Variants in OR10K2 observed in about 807,000 individuals in gnomAD.
The protein encoded by OR10K2 is olfactory receptor family 10 subfamily K member 2.
For synonymous variants in OR10K2, 169 were observed against 146.4 expected (o/e 1.15, Z -1.11); for missense variants, 401 against 367.1 (o/e 1.09, Z -0.76).
rs372359319 is a variant in OR10K2 at position 158,418,817 on chromosome 1, C to G, written c.*1111G>C. ...CAGAAAGGACAGAGAATGAAAACAT[C>G]AAATTCAAGTTCTGGTCTCAAATGT... On this transcript the variant is annotated 3_prime_UTR_variant, in exon 2 of 2. Transcript: ENST00000641042. 1 of 152,156 alleles carries G rather than the reference C, an allele frequency of 6.6e-6. No individual in the cohort carries two copies. Among genetic ancestry groups the G allele is most frequent in the African/African-American group, 2.4e-5 (1 of 41,446 alleles). 9.4% of individuals were successfully genotyped at this position (152,156 alleles called of 1,614,324 possible).
chr1:158,420,749 C>G lies in OR10K2; in HGVS notation c.118G>C (p.Gly40Arg). 6.8e-6 allele frequency: 11 copies of G among 1,613,530 alleles called. No individual in the cohort carries two copies. The highest frequency in any genetic ancestry group is 9.3e-6 in the Non-Finnish European group (11 of 1,179,792). The change falls in exon 2 of 2, where the codon GGC becomes CGC. Residue 40 changes from glycine to arginine, a missense_variant. Coordinates refer to ENST00000641042, the MANE Select transcript of OR10K2 (RefSeq NM_001004476.2). Reference protein sequence around the residue: ...IFLLLYLFTLGTNAIIISTIV... With the variant: ...IFLLLYLFTLRTNAIIISTIV... Reference sequence around the variant, plus strand: ...GTGGAAATGATGATTGCATTGGTGCCCAGAGTGAACAGGTAGAGGAGCAGG... The same window carrying G: ...GTGGAAATGATGATTGCATTGGTGCGCAGAGTGAACAGGTAGAGGAGCAGG...
chr1:158,420,768 G>A lies in OR10K2; in HGVS notation c.99C>T (p.Leu33=), dbSNP rs942962750. 1.9e-6 allele frequency: 3 copies of A among 1,613,716 alleles called. No homozygotes were observed. The highest frequency in any genetic ancestry group is 2.5e-6 in the Non-Finnish European group (3 of 1,179,848). Residue 33 remains leucine, a synonymous_variant, in exon 2 of 2, where the codon CTC becomes CTT. Coordinates refer to ENST00000641042, the MANE Select transcript of OR10K2 (RefSeq NM_001004476.2). ...LQQLLFVIFL[L]LYLFTLGTNA... Reference sequence around the variant, plus strand: ...TGGTGCCCAGAGTGAACAGGTAGAGGAGCAGGAAGATAACAAAGAGCAGCT... The same window carrying A: ...TGGTGCCCAGAGTGAACAGGTAGAGAAGCAGGAAGATAACAAAGAGCAGCT...
rs563512429 is a variant in OR10K2, at chr1:158,419,728, A to G, written c.*200T>C. 2 of 490,092 alleles carry G rather than the reference A, an allele frequency of 4.1e-6. No individual in the cohort carries two copies. Among genetic ancestry groups the G allele is most frequent in the South Asian group, 2.6e-5 (1 of 38,844 alleles). 30.4% of individuals were successfully genotyped at this position (490,092 alleles called of 1,614,324 possible). Reference sequence around the variant, plus strand: ...TGGGTTCAAGTGATTCTCCTGTCTCAGGCTCCTGAGTAGCTGAGATTACAG... The same window carrying G: ...TGGGTTCAAGTGATTCTCCTGTCTCGGGCTCCTGAGTAGCTGAGATTACAG... On this transcript the variant is annotated 3_prime_UTR_variant, in exon 2 of 2. Transcript: ENST00000641042.
Position 158,419,219 on chromosome 1 carries a change from T to C in OR10K2, c.*709A>G, listed in dbSNP as rs940433688. The C allele has an allele frequency of 2.0e-4, 31 of 154,792 alleles. No homozygotes were observed. Among genetic ancestry groups the C allele is most frequent in the African/African-American group, 6.7e-4 (28 of 41,526 alleles). 9.6% of individuals were successfully genotyped at this position (154,792 alleles called of 1,614,324 possible). On this transcript the variant is annotated 3_prime_UTR_variant, in exon 2 of 2. Transcript: ENST00000641042. ...TTGTGATCTGATGATTTTGGAAGACTGAGGTCCAGAAAACATCTAGAAAAA... is the reference window on the plus strand; with the variant it reads ...TTGTGATCTGATGATTTTGGAAGACCGAGGTCCAGAAAACATCTAGAAAAA...
At position 158,421,125 on chromosome 1, in the gene OR10K2, A is replaced by G. The variant is rs182159009; in HGVS notation, c.-61-198T>C. 4.6e-5 allele frequency among the ~76,000 whole-genome samples: 7 copies of G among 152,182 alleles called. No homozygotes were observed. The East Asian group carries it at 1.2e-3, about 25-fold the overall frequency. On this transcript the variant is annotated intron_variant, in intron 1 of 1. Coordinates refer to ENST00000641042, the MANE Select transcript of OR10K2 (RefSeq NM_001004476.2). Reference sequence around the variant, plus strand: ...AAAGTTCTTGATACTTTTCAGATTCAAACAACCCTTCACCTCCATTCCCAT... The same window carrying G: ...AAAGTTCTTGATACTTTTCAGATTCGAACAACCCTTCACCTCCATTCCCAT...
At position 158,420,530 on chromosome 1, in the gene OR10K2, AG is replaced by A. The variant is rs1354983884; in HGVS notation, c.336del (p.Leu114CysfsTer11). Reference sequence around the variant, plus strand: ...TCATAACCCATGACTGCCAGCAGAAAGGAGTGAGAGCAGCCAAGGAAGAGGA... The same window carrying A: ...TCATAACCCATGACTGCCAGCAGAAAGAGTGAGAGCAGCCAAGGAAGAGGA... ...FSFLFLGCSH[S>X]FLLAVMGYDR... On this transcript the variant is annotated frameshift_variant, in exon 2 of 2. Coordinates refer to ENST00000641042, the MANE Select transcript of OR10K2 (RefSeq NM_001004476.2). LOFTEE classifies it low-confidence loss of function (END_TRUNC). The A allele has an allele frequency of 1.2e-6, 2 of 1,613,902 alleles. No individual in the cohort carries two copies. The highest frequency in any genetic ancestry group is 4.5e-5 in the East Asian group (2 of 44,858).
In OR10K2 at chr1:158,420,454, T is replaced by A. The variant is rs754880009; in HGVS notation, c.413A>T (p.His138Leu). Residue 138 changes from histidine to leucine, a missense_variant, in exon 2 of 2, where the codon CAT becomes CTT. His to Leu is a moderately conservative substitution (Grantham distance 99, BLOSUM62 -3). Transcript: ENST00000641042. ...NPLRYSVLMG[H>L]GVCMGLVAAA... is the part of the protein sequence containing the mutation. ...AGCCACTAGTCCCATACACACCCCATGTCCCATTAGCACTGAGTAGCGCAG... is the reference window on the plus strand; with the variant it reads ...AGCCACTAGTCCCATACACACCCCAAGTCCCATTAGCACTGAGTAGCGCAG... 2.5e-6 allele frequency: 4 copies of A among 1,613,762 alleles called. No individual in the cohort carries two copies. The highest frequency in any genetic ancestry group is 3.3e-4 in the Middle Eastern group (2 of 6,078).
rs114056819 is a variant in OR10K2 at position 158,420,203 on chromosome 1, G to A, written c.664C>T (p.Leu222Phe). ...LLILVSYVHI[L>F]SAILQFPSTL... ...GAAGGAAACTGAAGTATGGCAGAGA[G>A]GATGTGAACATAGGACACCAAGATC... Residue 222 changes from leucine (L) to phenylalanine (F), a missense_variant, in exon 2 of 2, where the codon CTC (leucine) becomes TTC (phenylalanine). Coordinates refer to ENST00000641042, the MANE Select transcript of OR10K2 (RefSeq NM_001004476.2). 1.1e-3 allele frequency: 1,813 copies of A among 1,613,676 alleles called. 15 individuals carry two copies. In the African/African-American group the frequency reaches 0.021, roughly 19 times the overall value.
chr1:158,424,087 A>T (rs1655209161), intron 1 of OR10K2, among the ~76,000 whole-genome samples: 1 of 152,108 alleles, frequency 6.6e-6, no homozygotes, highest in African/African-American at 2.4e-5. Flanking sequence ...ATTTTAGAGA[A>T]GGCTTTGAAG....
chr1:158,424,507 A>T (rs1357838959), intron 1 of OR10K2, among the ~76,000 whole-genome samples: 1 of 152,102 alleles, frequency 6.6e-6, no homozygotes, highest in Non-Finnish European at 1.5e-5. Flanking sequence ...ATTTAGAATT[A>T]TCTTGTAATA....
chr1:158,425,886 G>A (rs1331427626), intron 1 of OR10K2, 47 bp downstream of exon 1: 4 of 151,984 alleles, frequency 2.6e-5, no homozygotes, highest in South Asian at 2.1e-4. Context: ...CTCTCTTTCT[G>A]TTATTGGTAG....
intron 1 of OR10K2, among the ~76,000 whole-genome samples, chr1:158,422,665 A>G (rs1346635550): frequency 1.3e-5 from 2 of 152,088 alleles, no homozygotes; most frequent in Non-Finnish European, 2.9e-5. Flanking sequence ...AATTAATGAC[A>G]ATGCATTTTT....
chr1:158,421,742 A>G (rs190294705), intron 1 of OR10K2, among the ~76,000 whole-genome samples: 2 of 152,204 alleles, frequency 1.3e-5, no homozygotes, highest in African/African-American at 4.8e-5. Flanking sequence ...ATTGTATTAT[A>G]TTGCTTCACT....
At position 158,420,330 on chromosome 1, in the gene OR10K2, A is replaced by G. The variant is rs1655125666; in HGVS notation, c.537T>C (p.Cys179=). 6.2e-7 allele frequency: 1 copy of G among 1,613,890 alleles called. No homozygotes were observed. The highest frequency in any genetic ancestry group is 1.3e-5 in the African/African-American group (1 of 75,026). ...CCAGCTTGAGGACAGGAGCAATGTC[A>G]CAGAAGAAGTGATGTAGTTGATTGG... ...YSSNQLHHFF[C]DIAPVLKLAS... is the part of the protein sequence containing the mutation. The change falls in exon 2 of 2, where the codon TGT becomes TGC. Residue 179 remains cysteine (C), a synonymous_variant. Transcript: ENST00000641042.
intron 1 of OR10K2, among the ~76,000 whole-genome samples, chr1:158,423,245 C>A (rs956609408): frequency 6.8e-6 from 1 of 146,584 alleles, no homozygotes; most frequent in Admixed American, 6.8e-5. Flanking sequence ...TTTTTTTTGC[C>A]TAGGTGGTTG....
rs1368041379 is a variant in OR10K2 at position 158,420,771 on chromosome 1, C to T, written c.96G>A (p.Leu32=). Residue 32 remains leucine (L), a synonymous_variant, in exon 2 of 2, where the codon CTG becomes CTA. Transcript: ENST00000641042. ...RLQQLLFVIF[L]LLYLFTLGTN... is the part of the protein sequence containing the mutation. ...TGCCCAGAGTGAACAGGTAGAGGAG[C>T]AGGAAGATAACAAAGAGCAGCTGCT... 6.2e-7 allele frequency: 1 copy of T among 1,613,514 alleles called. No individual in the cohort carries two copies. Among genetic ancestry groups the T allele is most frequent in the East Asian group, 2.2e-5 (1 of 44,810 alleles).
In OR10K2 at chr1:158,420,615, G is replaced by T. The variant is rs774033769; in HGVS notation, c.252C>A (p.Asp84Glu). The T allele has an allele frequency of 2.5e-6, 4 of 1,613,894 alleles. No individual in the cohort carries two copies. In the South Asian group the frequency reaches 4.4e-5, roughly 18 times the overall value. ...AAATGGTCTTCTTCTGGGACAGCAGGTCAACCAGCATCTTGGGTACAATGA... is the reference window on the plus strand; with the variant it reads ...AAATGGTCTTCTTCTGGGACAGCAGTTCAACCAGCATCTTGGGTACAATGA... ...TFIIVPKMLVDLLSQKKTISF... is the reference protein window; with the variant it reads ...TFIIVPKMLVELLSQKKTISF... The change falls in exon 2 of 2, where the codon GAC becomes GAA. Residue 84 changes from aspartate (D) to glutamate (E), a missense_variant. Coordinates refer to ENST00000641042, the MANE Select transcript of OR10K2 (RefSeq NM_001004476.2).
At position 158,420,905 on chromosome 1, in the gene OR10K2, G is replaced by A. The variant is rs747608923; in HGVS notation, c.-39C>T. ...TCAGGAGACAATTAGGGAGAGAAGA[G>A]GAGTCAGCACCAAAAGAAATCCCTG... On this transcript the variant is annotated 5_prime_UTR_variant, in exon 2 of 2. Coordinates refer to ENST00000641042, the MANE Select transcript of OR10K2 (RefSeq NM_001004476.2). The A allele has an allele frequency of 2.5e-5, 40 of 1,568,730 alleles. No individual in the cohort carries two copies. The East Asian group carries it at 7.9e-4, about 31-fold the overall frequency.
rs1393712593 is a variant in OR10K2 at position 158,426,206 on chromosome 1, G to T, written c.-335C>A. The stretch of plus-strand genomic sequence containing the variant: ...ACTCAGAGGTAGAGATGTGATGATG[G>T]TCTATGGTCTTAGACCCAGACCAAA... On this transcript the variant is annotated 5_prime_UTR_variant, in exon 1 of 2. Transcript: ENST00000641042. 6.6e-6 allele frequency: 1 copy of T among 152,118 alleles called. No individual in the cohort carries two copies. Among genetic ancestry groups the T allele is most frequent in the Non-Finnish European group, 1.5e-5 (1 of 68,008 alleles). The allele number at this position is 152,118 out of a possible 1,614,324, so 9.4% of individuals were successfully genotyped here.
Sources: gnomAD v4.1 joint callset for allele counts (sites outside exome capture counted in the v4.1 genomes callset) on GRCh38, gnomAD v4.1.1 for gene constraint, MANE v1.5 for transcripts, NCBI Gene and HGNC (gene_info 2026-07-23, HGNC 2026-07-21) for gene names.